PCBP3: variants seen among roughly 807,000 people sequenced by gnomAD.
The protein encoded by PCBP3 is poly(rC)-binding protein 3.
A neutral mutation model predicts 52.7 loss-of-function variants in PCBP3; 25 were observed. That is an observed-to-expected ratio of 0.47 (90% CI 0.35 to 0.66). The LOEUF (loss-of-function observed/expected upper bound fraction) is 0.66. PCBP3 is among the 30% of genes least tolerant of loss of function. The pLI, the probability that PCBP3 is intolerant of heterozygous loss-of-function variation, is 0.01. For missense variants in PCBP3, 391 were observed against 490.3 expected (o/e 0.80, Z 1.91); for synonymous variants, 162 against 183.0 (o/e 0.89, Z 0.93).
chr21:45,815,243 A>G (rs1240683761), intron 4 of PCBP3, among the ~76,000 whole-genome samples: 1 of 42,242 alleles, frequency 2.4e-5, no homozygotes, highest in Non-Finnish European at 4.5e-5. Flanking sequence ...GTGAGTGATG[A>G]GTGAGTGGTG....
At chr21:45,691,662 T>G (rs2082490492) in intron 2 of PCBP3, among the ~76,000 whole-genome samples, 1 of 151,950 alleles carries the variant, frequency 6.6e-6, no homozygotes, top group African/African-American at 2.4e-5. Context: ...ATTTCTAAAA[T>G]GATCAAAGCA....
chr21:45,819,967 C>T (rs1041929408), intron 4 of PCBP3, among the ~76,000 whole-genome samples: 1 of 152,208 alleles, frequency 6.6e-6, no homozygotes, highest in African/African-American at 2.4e-5. Context: ...CTCACTCTGC[C>T]CATCATGCTG....
chr21:45,932,067 A>G (rs1406667250), intron 15 of PCBP3, among the ~76,000 whole-genome samples: 2 of 151,984 alleles, frequency 1.3e-5, no homozygotes, highest in African/African-American at 4.8e-5. Context: ...CCTGAGATGA[A>G]TGAACACCTG....
chr21:45,802,063 C>T lies in PCBP3; in HGVS notation c.-126+46611C>T, dbSNP rs780264920. On this transcript the variant is annotated intron_variant, in intron 4 of 17. Transcript: ENST00000681687. This position sits in a 1 kb window ranked among gnomAD's most constrained non-coding sequence, Gnocchi z 5.1. ...CTTCCTTGAGGGCATCGTCATGATT[C>T]AGCAGTGACTTCTGGGCTGGGTGGT... 6.6e-6 allele frequency among the ~76,000 whole-genome samples: 1 copy of T among 152,224 alleles called. No individual in the cohort carries two copies. Among genetic ancestry groups the T allele is most frequent in the Non-Finnish European group, 1.5e-5 (1 of 68,042 alleles).
At chr21:45,807,434 A>G (rs1012486079) in intron 4 of PCBP3, among the ~76,000 whole-genome samples, 1 of 152,212 alleles carries the variant, frequency 6.6e-6, no homozygotes. Flanking sequence ...CCCATTCACA[A>G]TTGCTACAAA....
chr21:45,752,802 A>G (rs1194738836), intron 3 of PCBP3: 3 of 151,846 alleles, frequency 2.0e-5, no homozygotes, highest in Admixed American at 1.3e-4. Flanking sequence ...CTTTCTGTAT[A>G]TGGCCATTAA....
intron 2 of PCBP3, among the ~76,000 whole-genome samples, chr21:45,683,793 G>A (rs146705869): frequency 0.021 from 3,169 of 152,168 alleles, 55 homozygotes; most frequent in South Asian, 0.052. Flanking sequence ...CGGCGTGGTA[G>A]CAGGCGCCTG....
intron 1 of PCBP3, among the ~76,000 whole-genome samples, chr21:45,644,911 G>GA (rs2079156500): frequency 1.3e-5 from 2 of 152,196 alleles, no homozygotes; most frequent in Middle Eastern, 3.4e-3. Context: ...CTTTTCTTTG[G>GA]ACTTTCTCAG....
intron 2 of PCBP3, among the ~76,000 whole-genome samples, chr21:45,686,574 A>G (rs1272656804): frequency 2.0e-5 from 3 of 152,230 alleles, no homozygotes; most frequent in Non-Finnish European, 4.4e-5. Context: ...AACAAGAGGA[A>G]AAGCAGTCAA....
intron 3 of PCBP3, among the ~76,000 whole-genome samples, chr21:45,740,621 A>AGTGTGTAGT: frequency 6.6e-6 from 1 of 150,494 alleles, no homozygotes; most frequent in Non-Finnish European, 1.5e-5. Flanking sequence ...TGGTGTGTGT[A>AGTGTGTAGT]GTGTGTGTGT....
intron 3 of PCBP3, among the ~76,000 whole-genome samples, chr21:45,740,135 T>C (rs1179133907): frequency 6.6e-6 from 1 of 152,194 alleles, no homozygotes; most frequent in Non-Finnish European, 1.5e-5. Flanking sequence ...AGAGAGTTGC[T>C]TCTCTGCCCC....
Position 45,908,789 on chromosome 21 carries a change from A to G in PCBP3, c.340-566A>G, listed in dbSNP as rs566066295. On this transcript the variant is annotated intron_variant, in intron 9 of 17. Coordinates refer to ENST00000681687, the MANE Select transcript of PCBP3 (RefSeq NM_001384156.1). ...CCAGCTCTGTCTCCTGGGTGTCAGG[A>G]CCATGAGCCAAACCAGGCTGCCCAG... 2.0e-5 allele frequency among the ~76,000 whole-genome samples: 3 copies of G among 152,298 alleles called. No homozygotes were observed. The South Asian group carries it at 6.2e-4, about 32-fold the overall frequency.
At chr21:45,685,700 A>G (rs933942929) in intron 2 of PCBP3, among the ~76,000 whole-genome samples, 1 of 152,224 alleles carries the variant, frequency 6.6e-6, no homozygotes, top group African/African-American at 2.4e-5. Flanking sequence ...AGTTGGTGAA[A>G]CATAAAAGCT....
rs34586187 is a variant in PCBP3 at position 45,721,412 on chromosome 21, CAAAAAAAAA to C, written c.-199-13969_-199-13961del. On this transcript the variant is annotated intron_variant, in intron 2 of 17. Coordinates refer to ENST00000681687, the MANE Select transcript of PCBP3 (RefSeq NM_001384156.1). ...TAGGCGACGGAGTAAGACTCCATCT[CAAAAAAAAA>C]AAAAAAAAAACAACTCTTGGCTGCA... is the stretch of plus-strand genomic sequence containing the variant. 3.2e-5 allele frequency among the ~76,000 whole-genome samples: 3 copies of C among 95,130 alleles called. No individual in the cohort carries two copies. In the East Asian group the frequency reaches 1.0e-3, roughly 32 times the overall value. The allele number at this position is 95,130 out of a possible 152,430, so 62.4% of individuals were successfully genotyped here.
chr21:45,720,347 G>T (rs1314284448), intron 2 of PCBP3, among the ~76,000 whole-genome samples: 1 of 151,530 alleles, frequency 6.6e-6, no homozygotes, highest in Admixed American at 6.6e-5. Context: ...GTGTTAGTTT[G>T]CTGAGAATGA....
At chr21:45,926,875 A>G (rs1189349372) in intron 13 of PCBP3, among the ~76,000 whole-genome samples, 1 of 152,222 alleles carries the variant, frequency 6.6e-6, no homozygotes, top group African/African-American at 2.4e-5. Context: ...ACTTTGTGAA[A>G]TGTTGGAATA....
chr21:45,934,236 C>G (rs2076641059), intron 15 of PCBP3, among the ~76,000 whole-genome samples: 2 of 152,118 alleles, frequency 1.3e-5, no homozygotes, highest in African/African-American at 4.8e-5. Context: ...GTTACAAGAA[C>G]CACGTGGGGC....
intron 13 of PCBP3, among the ~76,000 whole-genome samples, chr21:45,927,391 C>T (rs570493170): frequency 4.8e-4 from 63 of 131,508 alleles, no homozygotes; most frequent in African/African-American, 1.8e-3. Context: ...CCTCTTTCCT[C>T]TCAGTGGTTT....
chr21:45,643,733 C>T lies in PCBP3; in HGVS notation c.-414C>T, dbSNP rs1375701751. 1 of 148,558 alleles carries T rather than the reference C, an allele frequency of 6.7e-6. No individual in the cohort carries two copies. The highest frequency in any genetic ancestry group is 2.1e-4 in the South Asian group (1 of 4,876). The allele number at this position is 148,558 out of a possible 1,614,324, so 9.2% of individuals were successfully genotyped here. A position where few individuals can be genotyped will look rare whatever the true frequency, so the allele number is the denominator to read the frequency against. Reference sequence around the variant, plus strand: ...CTGAAGCCGCGACCGCCGCCTCAGCCGCCTCAGCCGCGGTCGCCGCCGCTT... The same window carrying T: ...CTGAAGCCGCGACCGCCGCCTCAGCTGCCTCAGCCGCGGTCGCCGCCGCTT... On this transcript the variant is annotated 5_prime_UTR_variant, in exon 1 of 18. Coordinates refer to ENST00000681687, the MANE Select transcript of PCBP3 (RefSeq NM_001384156.1).
Sources: allele counts gnomAD v4.1 joint callset (sites outside exome capture counted in the v4.1 genomes callset), GRCh38; gene constraint gnomAD v4.1.1; non-coding constraint Gnocchi (gnomAD v3.1); transcripts MANE v1.5; gene names NCBI Gene and HGNC (gene_info 2026-07-23, HGNC 2026-07-21).